Variants in NT5DC1 observed in about 807,000 individuals in gnomAD.
The protein encoded by NT5DC1 is 5'-nucleotidase domain containing 1.
Under a neutral mutation model 59.4 loss-of-function variants are expected in NT5DC1, and 42 were observed. The observed-to-expected ratio is 0.71, with a 90% CI of 0.55 to 0.92. The LOEUF is 0.92. Ranked by LOEUF, NT5DC1 falls within the 40% of genes least tolerant of loss-of-function variation. The probability of loss-of-function intolerance (pLI) is 0.00; values close to 1 mark genes in which losing one functional copy is unlikely to be tolerated. For missense variants in NT5DC1, 501 were observed against 537.1 expected, an observed-to-expected ratio of 0.93 and a Z score of 0.66; for synonymous variants, 172 against 188.1, an observed-to-expected ratio of 0.91 and a Z score of 0.70.
At chr6:116,192,509 G>T (rs1781142005) in intron 6 of NT5DC1, among the ~76,000 whole-genome samples, 1 of 151,924 alleles carries the variant, frequency 6.6e-6, no homozygotes. Context: ...GCTCAAATTG[G>T]ATTCTGTGTT....
chr6:116,125,565 C>T (rs1041900163), intron 6 of NT5DC1: 2 of 1,518,338 alleles, frequency 1.3e-6, no homozygotes, highest in Non-Finnish European at 9.1e-7. Flanking sequence ...TTTTTTTATT[C>T]TCATGTTTCA....
chr6:116,160,976 T>C (rs1160431806), intron 6 of NT5DC1, among the ~76,000 whole-genome samples: 1 of 151,680 alleles, frequency 6.6e-6, no homozygotes, highest in African/African-American at 2.4e-5. Context: ...ATTAAGAAAA[T>C]GTGGCACATA....
At chr6:116,197,153 A>G (rs914942865) in intron 6 of NT5DC1, among the ~76,000 whole-genome samples, 2 of 151,652 alleles carry the variant, frequency 1.3e-5, no homozygotes, top group African/African-American at 2.4e-5. Context: ...CCTCACCTCT[A>G]CTATCTTCTG....
intron 6 of NT5DC1, among the ~76,000 whole-genome samples, chr6:116,143,999 A>T (rs1046871862): frequency 6.6e-6 from 1 of 152,158 alleles, no homozygotes; most frequent in African/African-American, 2.4e-5. Context: ...ACTTAGAAAG[A>T]TTAGGAGCTT....
rs138301236 is a variant in NT5DC1, at chr6:116,218,954, G to A, written c.530-2100G>A. Reference sequence around the variant, plus strand: ...CCAGAGGTTGTCCAGAAGTTGAATGGTACTTCCAGTGGTGGTTAGAGTTAG... The same window carrying A: ...CCAGAGGTTGTCCAGAAGTTGAATGATACTTCCAGTGGTGGTTAGAGTTAG... On this transcript the variant is annotated intron_variant, in intron 6 of 11. Coordinates refer to ENST00000319550, the MANE Select transcript of NT5DC1 (RefSeq NM_152729.3). Among the ~76,000 whole-genome samples, 535 of 152,232 alleles carry A rather than the reference G, an allele frequency of 3.5e-3. 1 individual carries two copies. The highest frequency in any genetic ancestry group is 0.01 in the Admixed American group (153 of 15,288).
intron 4 of NT5DC1, among the ~76,000 whole-genome samples, chr6:116,112,184 G>C (rs1778891379): frequency 6.6e-6 from 1 of 152,182 alleles, no homozygotes; most frequent in Non-Finnish European, 1.5e-5. Context: ...GAATGGTCCT[G>C]GGAGTTTATC....
intron 6 of NT5DC1, chr6:116,118,221 T>G: frequency 2.4e-6 from 1 of 413,436 alleles, no homozygotes; most frequent in Non-Finnish European, 4.4e-6. Context: ...AGAATTGAAG[T>G]CCAGTTTTGC....
intron 4 of NT5DC1, among the ~76,000 whole-genome samples, chr6:116,113,215 T>C (rs893383809): frequency 2.6e-5 from 4 of 152,224 alleles, no homozygotes; most frequent in Non-Finnish European, 5.9e-5. Flanking sequence ...TGGTACTAAG[T>C]CACTCTTAGC....
At chr6:116,158,437 A>G (rs1302009227) in intron 6 of NT5DC1, among the ~76,000 whole-genome samples, 2 of 152,252 alleles carry the variant, frequency 1.3e-5, no homozygotes, top group Non-Finnish European at 1.5e-5. Flanking sequence ...TGAAGACAAG[A>G]AGATAAAAAC....
intron 6 of NT5DC1, among the ~76,000 whole-genome samples, chr6:116,127,296 CA>C (rs1422015696): frequency 6.6e-6 from 1 of 152,074 alleles, no homozygotes; most frequent in Non-Finnish European, 1.5e-5. Context: ...GTATTTTAAA[CA>C]AAGCCTTGTA....
At chr6:116,121,032 C>G in intron 6 of NT5DC1, 2 of 1,614,068 alleles carry the variant, frequency 1.2e-6, no homozygotes, top group Non-Finnish European at 1.7e-6. Context: ...CCTGTCTCAC[C>G]TTTAGGGCCT....
rs375071675 is a variant in NT5DC1, at chr6:116,244,325, GTGGT to G, written c.*303_*306del. 7 of 178,432 alleles carry G rather than the reference GTGGT, an allele frequency of 3.9e-5. No individual in the cohort carries two copies. In the East Asian group the frequency reaches 5.8e-4, roughly 15 times the overall value. 11.1% of individuals were successfully genotyped at this position (178,432 alleles called of 1,614,324 possible). A position where few individuals can be genotyped will look rare whatever the true frequency, so the allele number is the denominator to read the frequency against. The stretch of plus-strand genomic sequence containing the variant: ...CACTCTTACACATATGCCTAGTCCA[GTGGT>G]TCTCAAAGTGTGATCCATAGACTAA... On this transcript the variant is annotated 3_prime_UTR_variant, in exon 12 of 12. Transcript: ENST00000319550.
At chr6:116,196,479 TA>T (rs1397365808) in intron 6 of NT5DC1, among the ~76,000 whole-genome samples, 3 of 152,000 alleles carry the variant, frequency 2.0e-5, no homozygotes, top group Non-Finnish European at 2.9e-5. Flanking sequence ...TAGTTTGATC[TA>T]GGGAAAAAAA....
chr6:116,152,541 G>A (rs1236318766), intron 6 of NT5DC1, among the ~76,000 whole-genome samples: 1 of 152,156 alleles, frequency 6.6e-6, no homozygotes, highest in African/African-American at 2.4e-5. Context: ...TGACTCCTGT[G>A]TACTGGATTT....
intron 6 of NT5DC1, among the ~76,000 whole-genome samples, chr6:116,185,590 T>C (rs1270190951): frequency 1.3e-5 from 2 of 152,284 alleles, no homozygotes; most frequent in Middle Eastern, 3.4e-3. Context: ...GTTTTTCTGT[T>C]GGACTAGTCC....
chr6:116,167,872 A>T (rs992781862), intron 6 of NT5DC1, among the ~76,000 whole-genome samples: 1 of 152,076 alleles, frequency 6.6e-6, no homozygotes, highest in Admixed American at 6.6e-5. Flanking sequence ...TTTTCTGAAA[A>T]TTTTTTTATT....
intron 6 of NT5DC1, among the ~76,000 whole-genome samples, chr6:116,159,930 G>A (rs1199429031): frequency 6.6e-6 from 1 of 152,016 alleles, no homozygotes; most frequent in Non-Finnish European, 1.5e-5. Flanking sequence ...CCATGTTGTT[G>A]CAAAGGACAC....
rs80337473 is a variant in NT5DC1 at position 116,163,437 on chromosome 6, T to C, written c.529+45492T>C. The stretch of plus-strand genomic sequence containing the variant: ...AGATGTTCATAGTAGTTTCTGATGA[T>C]GTTTCGTATTTCTGTGGTATCAATT... On this transcript the variant is annotated intron_variant, in intron 6 of 11. Transcript: ENST00000319550. 1.4e-4 allele frequency among the ~76,000 whole-genome samples: 22 copies of C among 152,158 alleles called. No homozygotes were observed. The East Asian group carries it at 4.2e-3, about 29-fold the overall frequency.
intron 8 of NT5DC1, 100 bp downstream of exon 8, chr6:116,223,231 A>C: frequency 1.6e-6 from 1 of 624,206 alleles, no homozygotes; most frequent in Non-Finnish European, 2.9e-6. Context: ...CTTTCCTCTC[A>C]TGGGGAAGAA....
Sources: gnomAD v4.1 joint callset for allele counts (sites outside exome capture counted in the v4.1 genomes callset) on GRCh38, gnomAD v4.1.1 for gene constraint, MANE v1.5 for transcripts, NCBI Gene and HGNC (gene_info 2026-07-23, HGNC 2026-07-21) for gene names.